The following GPATCH2 variants were observed in gnomAD, a reference collection of about 807,000 sequenced individuals.
GPATCH2 encodes G patch domain-containing protein 2.
A neutral mutation model predicts 58.0 loss-of-function variants in GPATCH2; 51 were observed. That is an observed-to-expected ratio of 0.88 (90% CI 0.70 to 1.11). The LOEUF (loss-of-function observed/expected upper bound fraction) is 1.11, where lower values mean the gene tolerates loss of function less well. Among genes scored for constraint, GPATCH2 ranks in the 50% most tolerant of loss-of-function variants. GPATCH2 has a pLI of 0.00. For missense variants in GPATCH2, 625 were observed against 652.2 expected (o/e 0.96, Z 0.45); for synonymous variants, 222 against 218.5 (o/e 1.02, Z -0.14).
At chr1:217,448,107 A>G (rs1659474722) in intron 9 of GPATCH2, among the ~76,000 whole-genome samples, 1 of 151,944 alleles carries the variant, frequency 6.6e-6, no homozygotes, top group South Asian at 2.1e-4. Context: ...TCAGAAAAAA[A>G]AAAAAAAAAA....
At chr1:217,489,589 A>G (rs1661621337) in intron 8 of GPATCH2, among the ~76,000 whole-genome samples, 3 of 152,308 alleles carry the variant, frequency 2.0e-5, no homozygotes, top group Admixed American at 1.3e-4. Flanking sequence ...TTGTCGGGGC[A>G]CAGTGGCTCA....
chr1:217,457,665 T>C (rs1462951932), intron 8 of GPATCH2, among the ~76,000 whole-genome samples: 1 of 152,192 alleles, frequency 6.6e-6, no homozygotes, highest in Non-Finnish European at 1.5e-5. Context: ...AAATTGCCAT[T>C]ATGCTACAAT....
chr1:217,520,839 G>C (rs998398229), intron 5 of GPATCH2, among the ~76,000 whole-genome samples: 18 of 151,978 alleles, frequency 1.2e-4, no homozygotes, highest in African/African-American at 4.4e-4. Flanking sequence ...ATTTATTTAA[G>C]TGTATTTACT....
intron 5 of GPATCH2, among the ~76,000 whole-genome samples, chr1:217,524,793 T>G (rs1486312186): frequency 7.3e-6 from 1 of 137,390 alleles, no homozygotes; most frequent in Non-Finnish European, 1.6e-5. Flanking sequence ...GAGGTTGCAG[T>G]GAGCCGAGAT....
At chr1:217,484,695 A>ATG (rs1661377972) in intron 8 of GPATCH2, among the ~76,000 whole-genome samples, 1 of 150,124 alleles carries the variant, frequency 6.7e-6, no homozygotes, top group African/African-American at 2.4e-5. Flanking sequence ...ATGAACATAT[A>ATG]TGTGTATATA....
At chr1:217,458,614 A>G (rs1179193310) in intron 8 of GPATCH2, among the ~76,000 whole-genome samples, 1 of 152,004 alleles carries the variant, frequency 6.6e-6, no homozygotes, top group African/African-American at 2.4e-5. Flanking sequence ...AACAACTGGT[A>G]CTCATCGAGA....
At chr1:217,484,178 T>C (rs1433217783) in intron 8 of GPATCH2, among the ~76,000 whole-genome samples, 2 of 152,156 alleles carry the variant, frequency 1.3e-5, no homozygotes, top group African/African-American at 4.8e-5. Context: ...ACATTTGAAT[T>C]GGTAGACTGA....
intron 5 of GPATCH2, among the ~76,000 whole-genome samples, chr1:217,600,569 A>T (rs1668060606): frequency 6.6e-6 from 1 of 152,178 alleles, no homozygotes; most frequent in Non-Finnish European, 1.5e-5. Flanking sequence ...TTTATAGACC[A>T]TCAGAATAAT....
chr1:217,596,580 A>G (rs1328672721), intron 5 of GPATCH2, among the ~76,000 whole-genome samples: 1 of 152,222 alleles, frequency 6.6e-6, no homozygotes, highest in African/African-American at 2.4e-5. Flanking sequence ...AGCTATTATA[A>G]TGAATAGTAA....
rs995386488 is a variant in GPATCH2, at chr1:217,427,976, G to A, written c.*3169C>T. On this transcript the variant is annotated 3_prime_UTR_variant, in exon 10 of 10. Transcript: ENST00000366935. ...GTTATAAAATATATGGTATTTAAAT[G>A]CTGAGACCAATTTATTGGCAGATTT... The A allele has an allele frequency of 6.6e-6, 1 of 152,118 alleles. No individual in the cohort carries two copies. The highest frequency in any genetic ancestry group is 2.1e-4 in the South Asian group (1 of 4,830). 9.4% of individuals were successfully genotyped at this position (152,118 alleles called of 1,614,324 possible).
At chr1:217,601,896 C>T (rs1367522970) in intron 5 of GPATCH2, among the ~76,000 whole-genome samples, 1 of 152,120 alleles carries the variant, frequency 6.6e-6, no homozygotes, top group Admixed American at 6.6e-5. Flanking sequence ...TTGTTCATCA[C>T]TAACACCCAA....
intron 5 of GPATCH2, among the ~76,000 whole-genome samples, chr1:217,588,452 A>G (rs1667441060): frequency 6.6e-6 from 1 of 152,162 alleles, no homozygotes; most frequent in Non-Finnish European, 1.5e-5. Context: ...TATCAGGATG[A>G]TCTCTTCATT....
chr1:217,590,286 C>T lies in GPATCH2; in HGVS notation c.1098+20035G>A, dbSNP rs1002452418. On this transcript the variant is annotated intron_variant, in intron 5 of 9. Coordinates refer to ENST00000366935, the MANE Select transcript of GPATCH2 (RefSeq NM_018040.5). ...ATCCACCCGCCTCAGCCTCCCAAAG[C>T]GCTGGGATTACAGGCATGAGCCACT... Among the ~76,000 whole-genome samples, 11 of 151,996 alleles carry T rather than the reference C, an allele frequency of 7.2e-5. 1 individual carries two copies. The highest frequency in any genetic ancestry group is 5.8e-4 in the East Asian group (3 of 5,134).
intron 5 of GPATCH2, among the ~76,000 whole-genome samples, chr1:217,535,917 C>T (rs754066957): frequency 6.6e-6 from 1 of 152,160 alleles, no homozygotes; most frequent in Admixed American, 6.5e-5. Context: ...TTTCTTTTAA[C>T]TTTGCCCATC....
chr1:217,567,622 G>A (rs1208616735), intron 5 of GPATCH2, among the ~76,000 whole-genome samples: 4 of 152,314 alleles, frequency 2.6e-5, no homozygotes, highest in African/African-American at 7.2e-5. Context: ...GGTGAGGACT[G>A]TCTGATGTTT....
intron 5 of GPATCH2, among the ~76,000 whole-genome samples, chr1:217,559,378 T>A (rs188269995): frequency 1.1e-4 from 17 of 152,030 alleles, no homozygotes; most frequent in African/African-American, 4.1e-4. Context: ...ATTCTAGATA[T>A]CTTTTCAATA....
intron 1 of GPATCH2, among the ~76,000 whole-genome samples, chr1:217,620,774 T>C (rs924915664): frequency 1.3e-5 from 2 of 152,216 alleles, no homozygotes; most frequent in Non-Finnish European, 2.9e-5. Flanking sequence ...TTTTTCTGTA[T>C]AATTATGGAA....
intron 2 of GPATCH2, among the ~76,000 whole-genome samples, chr1:217,617,390 C>T (rs1668938391): frequency 6.6e-6 from 1 of 152,178 alleles, no homozygotes; most frequent in Non-Finnish European, 1.5e-5. Flanking sequence ...TAATACTTTC[C>T]ACTCAGCACA....
chr1:217,619,744 G>A, intron 2 of GPATCH2, 39 bp downstream of exon 2: 1 of 756,358 alleles, frequency 1.3e-6, no homozygotes, highest in South Asian at 3.1e-5. Context: ...ACAAACACTG[G>A]AGATAAATAT....
Sources: allele counts gnomAD v4.1 joint callset (sites outside exome capture counted in the v4.1 genomes callset), GRCh38; gene constraint gnomAD v4.1.1; transcripts MANE v1.5; gene names NCBI Gene and HGNC (gene_info 2026-07-23, HGNC 2026-07-21).